The following AGBL4 variants were observed in gnomAD, a reference collection of about 807,000 sequenced individuals.
The protein encoded by AGBL4 is AGBL carboxypeptidase 4.
In AGBL4, 58 loss-of-function variants were observed where a neutral mutation model predicts 66.4. The ratio of observed to expected loss-of-function variants is 0.87; its 90% CI spans 0.71 to 1.09. The LOEUF (loss-of-function observed/expected upper bound fraction) is 1.09, where lower values mean the gene tolerates loss of function less well. AGBL4 is among the 50% of genes least tolerant of loss of function. AGBL4 has a pLI of 0.00. For synonymous variants in AGBL4, 234 were observed against 222.9 expected (o/e 1.05, Z -0.44); for missense variants, 579 against 631.0 (o/e 0.92, Z 0.88).
In AGBL4 at chr1:49,182,153, G is replaced by A. The variant is rs573525722; in HGVS notation, c.377+63617C>T. ...GAATCCCACCCTAAGTGAGACAGGG[G>A]CAGAAGACCAAGTGAAGAATGACCA... On this transcript the variant is annotated intron_variant, in intron 4 of 13. Transcript: ENST00000371839. 3.3e-5 allele frequency among the ~76,000 whole-genome samples: 5 copies of A among 152,304 alleles called. No individual in the cohort carries two copies. In the East Asian group the frequency reaches 9.6e-4, roughly 29 times the overall value.
rs944807128 is a variant in AGBL4 at position 49,403,818 on chromosome 1, T to A, written c.283-157954A>T. ...GCTTATCTTTCTATTCCTCCTACTTTCAATTTCTCACCTCTACTTTCTACC... is the reference window on the plus strand; with the variant it reads ...GCTTATCTTTCTATTCCTCCTACTTACAATTTCTCACCTCTACTTTCTACC... On this transcript the variant is annotated intron_variant, in intron 3 of 13. Coordinates refer to ENST00000371839, the MANE Select transcript of AGBL4 (RefSeq NM_032785.4). Among the ~76,000 whole-genome samples the A allele has an allele frequency of 3.3e-5, 5 of 152,158 alleles. No individual in the cohort carries two copies. In the South Asian group the frequency reaches 6.2e-4, roughly 19 times the overall value.
chr1:49,128,005 C>G (rs1409895692), intron 4 of AGBL4, among the ~76,000 whole-genome samples: 3 of 151,624 alleles, frequency 2.0e-5, no homozygotes, highest in African/African-American at 7.3e-5. Flanking sequence ...TCAACAGGAA[C>G]AAATCCATAA....
chr1:50,011,277 C>T (rs1397452288), intron 1 of AGBL4, among the ~76,000 whole-genome samples: 3 of 152,008 alleles, frequency 2.0e-5, no homozygotes, highest in East Asian at 1.9e-4. Flanking sequence ...AACAGGCATA[C>T]GAAAAGGTGT....
intron 3 of AGBL4, among the ~76,000 whole-genome samples, chr1:49,380,103 C>T (rs1196192613): frequency 6.6e-6 from 1 of 152,102 alleles, no homozygotes; most frequent in Non-Finnish European, 1.5e-5. Context: ...TAGAAAACCC[C>T]ATTGGCTCAG....
At chr1:49,915,720 G>C (rs1265417940) in intron 1 of AGBL4, among the ~76,000 whole-genome samples, 1 of 152,204 alleles carries the variant, frequency 6.6e-6, no homozygotes, top group Non-Finnish European at 1.5e-5. Flanking sequence ...CCCTGTCTGA[G>C]AGCTTTGAAG....
At chr1:48,558,295 A>G (rs1644350481) in intron 11 of AGBL4, among the ~76,000 whole-genome samples, 1 of 152,246 alleles carries the variant, frequency 6.6e-6, no homozygotes, top group African/African-American at 2.4e-5. Context: ...TGGTTAAAGA[A>G]TCATAAAATA....
At chr1:48,889,530 T>C (rs1225670778) in intron 5 of AGBL4, among the ~76,000 whole-genome samples, 1 of 152,220 alleles carries the variant, frequency 6.6e-6, no homozygotes, top group Non-Finnish European at 1.5e-5. Flanking sequence ...GTACATAAGC[T>C]ATGAGACTGT....
At chr1:49,241,844 G>T (rs373529965) in intron 4 of AGBL4, among the ~76,000 whole-genome samples, 3 of 151,922 alleles carry the variant, frequency 2.0e-5, no homozygotes, top group African/African-American at 7.2e-5. Context: ...GTTCACATTT[G>T]TTTCTTATAA....
chr1:49,117,330 T>A (rs1645547213), intron 4 of AGBL4, among the ~76,000 whole-genome samples: 1 of 152,214 alleles, frequency 6.6e-6, no homozygotes, highest in Admixed American at 6.5e-5. Context: ...CTAGGTGTTC[T>A]TCTAGGGTTT....
intron 9 of AGBL4, among the ~76,000 whole-genome samples, chr1:48,595,874 A>G (rs1374755388): frequency 6.6e-6 from 1 of 152,196 alleles, no homozygotes; most frequent in African/African-American, 2.4e-5. Context: ...TTCGGAGTTT[A>G]TCACAAATTC....
chr1:49,352,800 A>T (rs934040153), intron 3 of AGBL4, among the ~76,000 whole-genome samples: 1 of 152,240 alleles, frequency 6.6e-6, no homozygotes, highest in Non-Finnish European at 1.5e-5. Context: ...ATAACTTATC[A>T]ATAGGACCCA....
intron 11 of AGBL4, among the ~76,000 whole-genome samples, chr1:48,546,219 G>T (rs67966936): frequency 0.082 from 12,552 of 152,248 alleles, 552 homozygotes; most frequent in African/African-American, 0.12. Context: ...TTGAAAATCA[G>T]AGAGTTTACA....
chr1:48,877,522 T>C (rs1649342509), intron 5 of AGBL4, among the ~76,000 whole-genome samples: 1 of 152,006 alleles, frequency 6.6e-6, no homozygotes, highest in South Asian at 2.1e-4. Flanking sequence ...TTATTTATAA[T>C]ATACTAATTC....
chr1:49,219,338 T>C (rs968921360), intron 4 of AGBL4, among the ~76,000 whole-genome samples: 3 of 152,188 alleles, frequency 2.0e-5, no homozygotes, highest in Non-Finnish European at 4.4e-5. Context: ...TAATATCCAT[T>C]GTTCTATTCT....
chr1:48,875,958 T>G (rs145727863), intron 5 of AGBL4, among the ~76,000 whole-genome samples: 98 of 152,166 alleles, frequency 6.4e-4, no homozygotes, highest in African/African-American at 2.3e-3. Context: ...GAGGGAAAAA[T>G]CTTGGCTTAT....
chr1:49,742,020 T>A (rs1193965416), intron 2 of AGBL4, among the ~76,000 whole-genome samples: 1 of 152,226 alleles, frequency 6.6e-6, no homozygotes, highest in Non-Finnish European at 1.5e-5. Flanking sequence ...TCGCCACTCC[T>A]GTTCAACATA....
intron 3 of AGBL4, among the ~76,000 whole-genome samples, chr1:49,373,249 T>G (rs934441218): frequency 6.6e-6 from 1 of 152,238 alleles, no homozygotes; most frequent in Non-Finnish European, 1.5e-5. Context: ...AACCGTACTT[T>G]ATTCATTTCT....
At chr1:48,616,732 C>A (rs912533472) in intron 9 of AGBL4, among the ~76,000 whole-genome samples, 2 of 152,194 alleles carry the variant, frequency 1.3e-5, no homozygotes, top group African/African-American at 4.8e-5. Context: ...GGGAGTAGAA[C>A]CCAAAGCTTC....
intron 4 of AGBL4, among the ~76,000 whole-genome samples, chr1:49,224,657 G>A (rs1649766308): frequency 6.6e-6 from 1 of 151,310 alleles, no homozygotes; most frequent in Non-Finnish European, 1.5e-5. Flanking sequence ...TTGGCCTTAG[G>A]ATTCAGCAGT....
Sources: gnomAD v4.1 joint callset for allele counts (sites outside exome capture counted in the v4.1 genomes callset) on GRCh38, gnomAD v4.1.1 for gene constraint, MANE v1.5 for transcripts, NCBI Gene and HGNC (gene_info 2026-07-23, HGNC 2026-07-21) for gene names.